Variants in RFTN1 observed in about 807,000 individuals in gnomAD.
RFTN1 encodes the protein raftlin.
RFTN1 carries 26 observed loss-of-function variants against 46.5 expected under a neutral mutation model. The ratio of observed to expected loss-of-function variants is 0.56; its 90% CI spans 0.41 to 0.78. The LOEUF is 0.78. Among genes scored for constraint, RFTN1 ranks in the 30% least tolerant of loss-of-function variants. The probability of loss-of-function intolerance (pLI) is 0.00; values close to 1 mark genes in which losing one functional copy is unlikely to be tolerated. For missense variants in RFTN1, 693 were observed against 718.7 expected (o/e 0.96, Z 0.41); for synonymous variants, 261 against 284.2 (o/e 0.92, Z 0.82).
At position 16,348,994 on chromosome 3, in the gene RFTN1, C is replaced by T. The variant is rs1170639497; in HGVS notation, c.1146+8938G>A. Reference sequence around the variant, plus strand: ...AGGGACAGACAGCCATCCCAGGCTCCACTATCCAAGGACAGGGTCAAAGTT... The same window carrying T: ...AGGGACAGACAGCCATCCCAGGCTCTACTATCCAAGGACAGGGTCAAAGTT... On this transcript the variant is annotated intron_variant, in intron 7 of 9. Transcript: ENST00000334133. The surrounding 1 kb of genome is among the most constrained non-coding windows in gnomAD (Gnocchi z 6.3). Among the ~76,000 whole-genome samples, 1 of 152,214 alleles carries T rather than the reference C, an allele frequency of 6.6e-6. No individual in the cohort carries two copies. The highest frequency in any genetic ancestry group is 2.4e-5 in the African/African-American group (1 of 41,456).
At chr3:16,501,092 G>A (rs749806801) in intron 1 of RFTN1, among the ~76,000 whole-genome samples, 7 of 152,068 alleles carry the variant, frequency 4.6e-5, no homozygotes, top group Non-Finnish European at 8.8e-5. Context: ...AACTCTGATC[G>A]CACCACCGCA....
chr3:16,463,446 T>A (rs1396041752), intron 2 of RFTN1, among the ~76,000 whole-genome samples: 4 of 152,240 alleles, frequency 2.6e-5, no homozygotes, highest in African/African-American at 9.6e-5. Flanking sequence ...TTCTGCTACA[T>A]ATGATCTCTC....
chr3:16,377,979 C>T lies in RFTN1; in HGVS notation c.565G>A (p.Asp189Asn), dbSNP rs2073843805. The change falls in exon 5 of 10, where the codon GAT becomes AAT. Residue 189 changes from aspartate (D) to asparagine (N), a missense_variant. By Grantham distance (23) the Asp-to-Asn change is conservative. Transcript: ENST00000334133. ...TGATCCCCACGTGCGTTTTTTGCAT[C>T]TCTGGCATCCTCGGTGCTGTTGGCA... ...STANSTEDAR[D>N]AKNARGDHAS... 3 of 1,614,224 alleles carry T rather than the reference C, an allele frequency of 1.9e-6. No individual in the cohort carries two copies. The highest frequency in any genetic ancestry group is 4.5e-5 in the East Asian group (2 of 44,886).
intron 7 of RFTN1, among the ~76,000 whole-genome samples, chr3:16,354,908 T>C (rs1339168000): frequency 1.3e-5 from 2 of 152,216 alleles, no homozygotes; most frequent in Non-Finnish European, 2.9e-5. Context: ...CACAAAGCGC[T>C]AGGACACGAA....
In RFTN1 at chr3:16,374,154, G is replaced by T. The variant is rs1205789224; in HGVS notation, c.826+3564C>A. 6.6e-6 allele frequency among the ~76,000 whole-genome samples: 1 copy of T among 152,204 alleles called. No individual in the cohort carries two copies. Among genetic ancestry groups the T allele is most frequent in the Non-Finnish European group, 1.5e-5 (1 of 68,032 alleles). On this transcript the variant is annotated intron_variant, in intron 5 of 9. Transcript: ENST00000334133. The surrounding 1 kb of genome is among the most constrained non-coding windows in gnomAD (Gnocchi z 5.4). ...CTCATGTGACTCTCCCAAACTTGATGAGAGGGGGTGGCCCTGGTTCTGTGC... is the reference window on the plus strand; with the variant it reads ...CTCATGTGACTCTCCCAAACTTGATTAGAGGGGGTGGCCCTGGTTCTGTGC...
At chr3:16,324,762 G>A (rs1028059371) in intron 8 of RFTN1, among the ~76,000 whole-genome samples, 1 of 150,688 alleles carries the variant, frequency 6.6e-6, no homozygotes, top group Non-Finnish European at 1.5e-5. Flanking sequence ...CTTAGCTGTT[G>A]TGAATAATGC....
chr3:16,323,085 T>C (rs2069259951), intron 9 of RFTN1, among the ~76,000 whole-genome samples: 1 of 152,154 alleles, frequency 6.6e-6, no homozygotes, highest in South Asian at 2.1e-4. Flanking sequence ...TTCGTGCCCT[T>C]CTTTTCATCC....
chr3:16,392,431 A>G (rs1202912059), intron 4 of RFTN1, among the ~76,000 whole-genome samples: 3 of 152,112 alleles, frequency 2.0e-5, no homozygotes, highest in Middle Eastern at 3.2e-3. Context: ...AGGAGGTGTC[A>G]CCGAGGTGGG....
intron 8 of RFTN1, among the ~76,000 whole-genome samples, chr3:16,324,127 A>T (rs545933793): frequency 7.9e-5 from 12 of 152,124 alleles, no homozygotes; most frequent in African/African-American, 2.9e-4. Flanking sequence ...CCCTGCTTCC[A>T]CCCTTCTGAT....
rs767010263 is a variant in RFTN1 at position 16,352,562 on chromosome 3, C to G, written c.1146+5370G>C. Among the ~76,000 whole-genome samples, 9 of 152,104 alleles carry G rather than the reference C, an allele frequency of 5.9e-5. No individual in the cohort carries two copies. The highest frequency in any genetic ancestry group is 1.3e-4 in the Non-Finnish European group (9 of 68,014). On this transcript the variant is annotated intron_variant, in intron 7 of 9. Coordinates refer to ENST00000334133, the MANE Select transcript of RFTN1 (RefSeq NM_015150.2). This position sits in a 1 kb window ranked among gnomAD's most constrained non-coding sequence, Gnocchi z 4.6. ...TGTAGGTTTCCAACCGAGCAAAATG[C>G]AATTATTTGTATTTGACTCTACAGG... is the stretch of plus-strand genomic sequence containing the variant.
chr3:16,415,472 A>T (rs1434773082), intron 3 of RFTN1, among the ~76,000 whole-genome samples: 1 of 132,288 alleles, frequency 7.6e-6, no homozygotes, highest in African/African-American at 2.6e-5. Flanking sequence ...TATATACTGA[A>T]GTCTGGACTG....
chr3:16,483,728 T>C lies in RFTN1; in HGVS notation c.145+9997A>G, dbSNP rs1300657747. 1.3e-5 allele frequency among the ~76,000 whole-genome samples: 2 copies of C among 151,966 alleles called. No individual in the cohort carries two copies. Among genetic ancestry groups the C allele is most frequent in the South Asian group, 2.1e-4 (1 of 4,818 alleles). ...TTTTATACTCAAAAGATCACACTAG[T>C]ATAATTTTTTTCTGCCATCTCCACT... On this transcript the variant is annotated intron_variant, in intron 2 of 9. Coordinates refer to ENST00000334133, the MANE Select transcript of RFTN1 (RefSeq NM_015150.2). This position sits in a 1 kb window ranked among gnomAD's most constrained non-coding sequence, Gnocchi z 4.8.
chr3:16,350,365 G>A (rs2125316882), intron 7 of RFTN1: 1 of 152,254 alleles, frequency 6.6e-6, no homozygotes, highest in East Asian at 1.9e-4. Flanking sequence ...TAGAAGAGAT[G>A]GACATGAAGT....
rs181394971 is a variant in RFTN1 at position 16,327,627 on chromosome 3, G to A, written c.1147-751C>T. Reference sequence around the variant, plus strand: ...ACAAAAAAAATTAGCCAGGCCTGGTGGCGGGCGCCTGTAGTCCCAGCTACT... The same window carrying A: ...ACAAAAAAAATTAGCCAGGCCTGGTAGCGGGCGCCTGTAGTCCCAGCTACT... On this transcript the variant is annotated intron_variant, in intron 7 of 9. Transcript: ENST00000334133. This position sits in a 1 kb window ranked among gnomAD's most constrained non-coding sequence, Gnocchi z 4.2. Among the ~76,000 whole-genome samples, 26 of 152,216 alleles carry A rather than the reference G, an allele frequency of 1.7e-4. No individual in the cohort carries two copies. In the East Asian group the frequency reaches 4.8e-3, roughly 28 times the overall value.
intron 7 of RFTN1, among the ~76,000 whole-genome samples, chr3:16,328,211 C>T (rs1347374848): frequency 6.6e-6 from 1 of 152,216 alleles, no homozygotes; most frequent in African/African-American, 2.4e-5. Context: ...GGAGAGATCC[C>T]AGCCACAGTC....
rs1325544873 is a variant in RFTN1 at position 16,448,593 on chromosome 3, G to A, written c.146-14556C>T. ...CTAACTGTCGCTATTCCAAATTGGAGGAAAAAAAGTACAACTTTTTACTGC... is the reference window on the plus strand; with the variant it reads ...CTAACTGTCGCTATTCCAAATTGGAAGAAAAAAAGTACAACTTTTTACTGC... On this transcript the variant is annotated intron_variant, in intron 2 of 9. Coordinates refer to ENST00000334133, the MANE Select transcript of RFTN1 (RefSeq NM_015150.2). This position sits in a 1 kb window ranked among gnomAD's most constrained non-coding sequence, Gnocchi z 4.1. 6.6e-6 allele frequency among the ~76,000 whole-genome samples: 1 copy of A among 152,050 alleles called. No homozygotes were observed. Among genetic ancestry groups the A allele is most frequent in the African/African-American group, 2.4e-5 (1 of 41,394 alleles).
intron 6 of RFTN1, among the ~76,000 whole-genome samples, chr3:16,359,044 A>AAAAG (rs2072658810): frequency 6.6e-6 from 1 of 151,148 alleles, no homozygotes; most frequent in African/African-American, 2.4e-5. Flanking sequence ...AAAAAAAAAA[A>AAAAG]AAAAAAAAGA....
At chr3:16,366,581 C>T (rs1053889028) in intron 6 of RFTN1, among the ~76,000 whole-genome samples, 1 of 152,030 alleles carries the variant, frequency 6.6e-6, no homozygotes, top group South Asian at 2.1e-4. Flanking sequence ...CTTTCCTTTT[C>T]TATCCCGCCC....
chr3:16,389,180 T>C (rs111491077), intron 4 of RFTN1, among the ~76,000 whole-genome samples: 11 of 152,334 alleles, frequency 7.2e-5, no homozygotes, highest in African/African-American at 2.6e-4. Flanking sequence ...GATGGTGCCA[T>C]TGGGCATTGC....
Sources: gnomAD v4.1 joint callset for allele counts (sites outside exome capture counted in the v4.1 genomes callset) on GRCh38, gnomAD v4.1.1 for gene constraint, Gnocchi (gnomAD v3.1) non-coding constraint, MANE v1.5 for transcripts, NCBI Gene and HGNC (gene_info 2026-07-23, HGNC 2026-07-21) for gene names.